PKD2: variants seen among roughly 807,000 people sequenced by gnomAD.
PKD2 encodes polycystin-2.
In PKD2, 48 loss-of-function variants were observed where a neutral mutation model predicts 105.9. That is an observed-to-expected ratio of 0.45 (90% CI 0.36 to 0.58). The LOEUF (loss-of-function observed/expected upper bound fraction) is 0.58. Among genes scored for constraint, PKD2 ranks in the 20% least tolerant of loss-of-function variants. PKD2 has a pLI of 0.00. For missense variants in PKD2, 1,078 were observed against 1,255.3 expected (o/e 0.86, Z 2.13); for synonymous variants, 464 against 481.1 (o/e 0.96, Z 0.46).
chr4:88,043,252 A>G lies in PKD2; in HGVS notation c.1114A>G (p.Lys372Glu), dbSNP rs188394492. The G allele has an allele frequency of 5.0e-6, 8 of 1,610,894 alleles. No individual in the cohort carries two copies. The highest frequency in any genetic ancestry group is 6.8e-6 in the Non-Finnish European group (8 of 1,177,238). ...NGTAWIYTSE[K>E]DLNGSSHWGI... ...AATCAGTTGGATCTACACAAGTGAA[A>G]AAGACTTGAATGGTAGTAGCCACTG... is the stretch of plus-strand genomic sequence containing the variant. Residue 372 changes from lysine to glutamate, a missense_variant, in exon 5 of 15, where the codon AAA becomes GAA. By Grantham distance (56) the Lys-to-Glu change is moderately conservative. Coordinates refer to ENST00000237596, the MANE Select transcript of PKD2 (RefSeq NM_000297.4).
chr4:88,048,677 G>T (rs1727864997), intron 6 of PKD2, among the ~76,000 whole-genome samples: 1 of 152,044 alleles, frequency 6.6e-6, no homozygotes, highest in Non-Finnish European at 1.5e-5. Flanking sequence ...AGAATAGATG[G>T]TGTTGACCCC....
chr4:88,009,702 G>A (rs1480636540), intron 1 of PKD2, among the ~76,000 whole-genome samples: 3 of 152,050 alleles, frequency 2.0e-5, no homozygotes, highest in East Asian at 1.9e-4. Flanking sequence ...GATCCTTTTC[G>A]GATAACCTGT....
rs985821858 is a variant in PKD2 at position 88,056,100 on chromosome 4, C to T, written c.1731C>T (p.Ile577=). 1.2e-6 allele frequency: 2 copies of T among 1,611,668 alleles called. No homozygotes were observed. The highest frequency in any genetic ancestry group is 2.7e-5 in the African/African-American group (2 of 75,008). ...CTCTCTTACAGCTCTTCAAATTCAT[C>T]AATTTTAACAGGACCATGAGCCAGC... ...FFVWIKLFKF[I]NFNRTMSQLS... is the part of the protein sequence containing the mutation. Residue 577 remains isoleucine (I), a synonymous_variant, in exon 8 of 15, where the codon ATC becomes ATT. Coordinates refer to ENST00000237596, the MANE Select transcript of PKD2 (RefSeq NM_000297.4).
chr4:88,019,514 A>G lies in PKD2; in HGVS notation c.652A>G (p.Lys218Glu). ...CAGCACTAACCGAGAGAAATACCTT[A>G]AAAGTGTTTTACGGGAACTGGTCAC... The part of the protein sequence containing the change: ...ESSTNREKYL[K>E]SVLRELVTYL... The change falls in exon 2 of 15, where the codon AAA becomes GAA. Residue 218 changes from lysine to glutamate, a missense_variant. Transcript: ENST00000237596. 1 of 1,609,178 alleles carries G rather than the reference A, an allele frequency of 6.2e-7. No individual in the cohort carries two copies. Among genetic ancestry groups the G allele is most frequent in the South Asian group, 1.1e-5 (1 of 90,968 alleles).
At chr4:88,072,047 G>A (rs1005027501) in intron 13 of PKD2, among the ~76,000 whole-genome samples, 6 of 142,682 alleles carry the variant, frequency 4.2e-5, no homozygotes, top group Non-Finnish European at 7.5e-5. Flanking sequence ...TAGTGGTGCA[G>A]TCTCAGCTCA....
In PKD2 at chr4:88,007,940, C is replaced by T. The variant is rs980453516; in HGVS notation, c.207C>T (p.Ala69=). Residue 69 remains alanine, a synonymous_variant, in exon 1 of 15, where the codon GCC becomes GCT. Transcript: ENST00000237596. ...AGGCGGCCGCGCGGGACCCCCCGGCCGGAGCCGCGGCCTCCCCTTCTCCTC... is the reference window on the plus strand; with the variant it reads ...AGGCGGCCGCGCGGGACCCCCCGGCTGGAGCCGCGGCCTCCCCTTCTCCTC... ...IRQAAARDPP[A]GAAASPSPPL... is the part of the protein sequence containing the mutation. 5 of 1,463,638 alleles carry T rather than the reference C, an allele frequency of 3.4e-6. No homozygotes were observed. Among genetic ancestry groups the T allele is most frequent in the South Asian group, 2.6e-5 (2 of 77,628 alleles). 90.7% of individuals were successfully genotyped at this position (1,463,638 alleles called of 1,614,324 possible). A position where few individuals can be genotyped will look rare whatever the true frequency, so the allele number is the denominator to read the frequency against.
At chr4:88,070,605 G>T (rs868358428) in intron 13 of PKD2, among the ~76,000 whole-genome samples, 66 of 121,114 alleles carry the variant, frequency 5.4e-4, no homozygotes, top group Middle Eastern at 4.2e-3. Context: ...TATATATAGA[G>T]AGAGAGAGAG....
chr4:88,023,586 G>C (rs533537285), intron 2 of PKD2, among the ~76,000 whole-genome samples: 1 of 152,302 alleles, frequency 6.6e-6, no homozygotes, highest in African/African-American at 2.4e-5. Flanking sequence ...GCATCAGACA[G>C]ACCTGAGTTA....
chr4:88,036,058 C>G (rs1000026083), intron 2 of PKD2, 162 bp from the exon 3 acceptor site: 3 of 1,025,976 alleles, frequency 2.9e-6, no homozygotes, highest in Non-Finnish European at 4.6e-6. Flanking sequence ...GAGAGATACC[C>G]TAGAAGAATG....
At chr4:88,036,440 G>C (rs1179118056) in intron 3 of PKD2, 87 bp downstream of exon 3, 39 of 1,592,124 alleles carry the variant, frequency 2.4e-5, no homozygotes, top group Non-Finnish European at 3.2e-5. Flanking sequence ...GTATCGACAG[G>C]ACCTGCTTTG....
intron 1 of PKD2, among the ~76,000 whole-genome samples, chr4:88,012,677 T>A (rs1726425900): frequency 6.6e-6 from 1 of 151,922 alleles, no homozygotes; most frequent in Non-Finnish European, 1.5e-5. Context: ...AGAACTTTTT[T>A]ATCATCCCAA....
chr4:88,043,650 C>G lies in PKD2; in HGVS notation c.1319+193C>G, dbSNP rs1165007055. On this transcript the variant is annotated intron_variant, in intron 5 of 14. Coordinates refer to ENST00000237596, the MANE Select transcript of PKD2 (RefSeq NM_000297.4). ...ATATTTGAGGAAGGGAGTTGGGATC[C>G]TAGAATATTACGAGTTGGAAAGAAC... Among the ~76,000 whole-genome samples, 3 of 152,220 alleles carry G rather than the reference C, an allele frequency of 2.0e-5. No homozygotes were observed. The East Asian group carries it at 5.8e-4, about 29-fold the overall frequency.
At chr4:88,062,496 A>G (rs1211493462) in intron 10 of PKD2, among the ~76,000 whole-genome samples, 1 of 152,240 alleles carries the variant, frequency 6.6e-6, no homozygotes, top group Non-Finnish European at 1.5e-5. Context: ...AGATTCATGA[A>G]TTCAGGCCAT....
intron 13 of PKD2, among the ~76,000 whole-genome samples, chr4:88,071,973 G>GTA (rs1210540009): frequency 7.3e-6 from 1 of 136,122 alleles, no homozygotes; most frequent in African/African-American, 2.8e-5. Flanking sequence ...TTAGAGGCCA[G>GTA]TCTTTTTTTT....
chr4:88,016,046 C>G (rs1229801424), intron 1 of PKD2, among the ~76,000 whole-genome samples: 1 of 152,158 alleles, frequency 6.6e-6, no homozygotes, highest in African/African-American at 2.4e-5. Flanking sequence ...AATCTAGATT[C>G]TTCACATGCG....
intron 7 of PKD2, among the ~76,000 whole-genome samples, chr4:88,055,733 G>A (rs1275427479): frequency 1.3e-5 from 2 of 150,970 alleles, no homozygotes; most frequent in Non-Finnish European, 2.9e-5. Flanking sequence ...CATTCACAGT[G>A]TTGTGCAGCC....
chr4:88,068,661 C>T (rs1720886391), intron 13 of PKD2, among the ~76,000 whole-genome samples: 3 of 152,124 alleles, frequency 2.0e-5, no homozygotes, highest in South Asian at 2.1e-4. Flanking sequence ...TTTTTATGGC[C>T]TAACATATGG....
intron 2 of PKD2, among the ~76,000 whole-genome samples, chr4:88,028,265 A>G (rs1012743394): frequency 1.3e-5 from 2 of 152,254 alleles, no homozygotes; most frequent in Non-Finnish European, 2.9e-5. Flanking sequence ...AGTTTTCCTA[A>G]TTTGCCAGAG....
rs1351802756 is a variant in PKD2, at chr4:88,077,053, T to G, written c.*1359T>G. 6.6e-6 allele frequency: 1 copy of G among 152,180 alleles called. No individual in the cohort carries two copies. Among genetic ancestry groups the G allele is most frequent in the Non-Finnish European group, 1.5e-5 (1 of 68,032 alleles). 9.4% of individuals were successfully genotyped at this position (152,180 alleles called of 1,614,324 possible). ...ATCTATTTCTCAAAAAAAAAAATCT[T>G]CTTTTACAGAAATGTTGAGTAAGGT... On this transcript the variant is annotated 3_prime_UTR_variant, in exon 15 of 15. Transcript: ENST00000237596.
Sources: allele counts gnomAD v4.1 joint callset (sites outside exome capture counted in the v4.1 genomes callset), GRCh38; gene constraint gnomAD v4.1.1; transcripts MANE v1.5; gene names NCBI Gene and HGNC (gene_info 2026-07-23, HGNC 2026-07-21).